UHRF2: variants seen among roughly 807,000 people sequenced by gnomAD.
UHRF2 encodes E3 ubiquitin-protein ligase UHRF2.
In UHRF2, 23 loss-of-function variants were observed where a neutral mutation model predicts 96.8. That is an observed-to-expected ratio of 0.24 (90% CI 0.17 to 0.34). The LOEUF is 0.34. Ranked by LOEUF, UHRF2 falls within the 10% of genes least tolerant of loss-of-function variation. The pLI is 1.00. For missense variants in UHRF2, 685 were observed against 981.5 expected (o/e 0.70, Z 4.04); for synonymous variants, 385 against 332.6 (o/e 1.16, Z -1.72).
At chr9:6,416,928 A>G (rs1180156176) in intron 1 of UHRF2, among the ~76,000 whole-genome samples, 1 of 152,172 alleles carries the variant, frequency 6.6e-6, no homozygotes, top group Admixed American at 6.5e-5. Flanking sequence ...ATAGATAACA[A>G]TGTGGGGCAT....
rs763827093 is a variant in UHRF2, at chr9:6,499,925, T to C, written c.1999T>C (p.Ser667Pro). 3.7e-6 allele frequency: 6 copies of C among 1,609,010 alleles called. No individual in the cohort carries two copies. Among genetic ancestry groups the C allele is most frequent in the Non-Finnish European group, 5.1e-6 (6 of 1,176,522 alleles). The part of the protein sequence containing the change: ...QPSGTTKRPI[S>P]DDDCPSASKV... ...CAGTGGAACCACAAAAAGGCCAATT[T>C]CAGATGGTAGGTAATGATTGCAAAA... is the stretch of plus-strand genomic sequence containing the variant. Residue 667 changes from serine to proline, a missense_variant, in exon 13 of 16, where the codon TCA becomes CCA. Physicochemically the swap from Ser to Pro is moderately conservative, Grantham distance 74. Coordinates refer to ENST00000276893, the MANE Select transcript of UHRF2 (RefSeq NM_152896.3).
intron 14 of UHRF2, among the ~76,000 whole-genome samples, chr9:6,501,415 C>T (rs537372066): frequency 6.6e-6 from 1 of 152,138 alleles, no homozygotes; most frequent in Non-Finnish European, 1.5e-5. Context: ...TGTTTTCTTT[C>T]TCTCCAAAGT....
chr9:6,423,219 A>G (rs1820038064), intron 2 of UHRF2, among the ~76,000 whole-genome samples: 1 of 152,250 alleles, frequency 6.6e-6, no homozygotes, highest in African/African-American at 2.4e-5. Flanking sequence ...TTCCAAAGAA[A>G]GTACCAGGCT....
intron 3 of UHRF2, among the ~76,000 whole-genome samples, chr9:6,447,450 A>G (rs1385986521): frequency 1.3e-5 from 2 of 152,234 alleles, no homozygotes; most frequent in East Asian, 1.9e-4. Flanking sequence ...CTTTGAGAGT[A>G]TAAAGGTAGA....
At chr9:6,428,533 C>CTT (rs1171172143) in intron 2 of UHRF2, among the ~76,000 whole-genome samples, 11 of 65,420 alleles carry the variant, frequency 1.7e-4, no homozygotes, top group Non-Finnish European at 2.6e-4. Context: ...ATTGCTTTTG[C>CTT]TTTTTTTTTT....
chr9:6,429,934 T>A (rs1235998042), intron 2 of UHRF2, among the ~76,000 whole-genome samples: 1 of 152,256 alleles, frequency 6.6e-6, no homozygotes, highest in Non-Finnish European at 1.5e-5. Context: ...ATTTTCTTTT[T>A]TTAATGATTG....
At chr9:6,415,099 C>T (rs1178013476) in intron 1 of UHRF2, 1 of 152,158 alleles carries the variant, frequency 6.6e-6, no homozygotes, top group Non-Finnish European at 1.5e-5. Flanking sequence ...TCCTAGGACA[C>T]TGGTGATTTC....
At chr9:6,460,280 G>A (rs917673781) in intron 3 of UHRF2, among the ~76,000 whole-genome samples, 2 of 152,158 alleles carry the variant, frequency 1.3e-5, no homozygotes, top group African/African-American at 4.8e-5. Context: ...GTTCTTGAAT[G>A]CGGGCTGAAC....
At chr9:6,491,943 G>C (rs1824684055) in intron 9 of UHRF2, among the ~76,000 whole-genome samples, 1 of 152,106 alleles carries the variant, frequency 6.6e-6, no homozygotes. Flanking sequence ...ATGTCACCCA[G>C]GCTGGTCTTG....
At chr9:6,478,534 C>T (rs531192325) in intron 6 of UHRF2, among the ~76,000 whole-genome samples, 4 of 152,126 alleles carry the variant, frequency 2.6e-5, no homozygotes, top group African/African-American at 7.2e-5. Context: ...TCTCCTATGG[C>T]GTGGTGATAA....
At chr9:6,421,325 T>C (rs1181168718) in intron 2 of UHRF2, among the ~76,000 whole-genome samples, 183 bp downstream of exon 2, 1 of 152,236 alleles carries the variant, frequency 6.6e-6, no homozygotes, top group African/African-American at 2.4e-5. Flanking sequence ...ATGTACAAGA[T>C]GTATATGTAC....
chr9:6,437,358 G>A (rs1313724306), intron 3 of UHRF2, among the ~76,000 whole-genome samples: 1 of 151,938 alleles, frequency 6.6e-6, no homozygotes, highest in African/African-American at 2.4e-5. Context: ...TCAGCCTCAT[G>A]AGTACCTGGG....
At chr9:6,447,432 A>C (rs1016484293) in intron 3 of UHRF2, among the ~76,000 whole-genome samples, 1 of 152,178 alleles carries the variant, frequency 6.6e-6, no homozygotes, top group African/African-American at 2.4e-5. Flanking sequence ...GGAAATATGC[A>C]TACCTAGCTT....
At chr9:6,458,732 A>G (rs1408176582) in intron 3 of UHRF2, among the ~76,000 whole-genome samples, 1 of 152,204 alleles carries the variant, frequency 6.6e-6, no homozygotes, top group African/African-American at 2.4e-5. Flanking sequence ...TACCCAAAGG[A>G]TTATAAATCA....
chr9:6,431,781 C>T (rs1187364735), intron 2 of UHRF2, among the ~76,000 whole-genome samples: 6 of 152,150 alleles, frequency 3.9e-5, no homozygotes, highest in African/African-American at 7.2e-5. Context: ...TAGTATCTTA[C>T]ATTTGATAGG....
chr9:6,468,717 C>T (rs895460714), intron 4 of UHRF2: 3 of 455,730 alleles, frequency 6.6e-6, no homozygotes, highest in African/African-American at 6.0e-5. Context: ...TAAAAAGTGG[C>T]ATTTTCAGCA....
In UHRF2 at chr9:6,413,919, A is replaced by T; in HGVS notation, c.153+276A>T. On this transcript the variant is annotated intron_variant, in intron 1 of 15. Transcript: ENST00000276893. ...TCTCGCCGTTTGTATTTGGTAGGAC[A>T]GCGGCCGTAGGCACTGGGTGCCCAG... The T allele has an allele frequency of 9.8e-6, 3 of 305,808 alleles. No homozygotes were observed. In the East Asian group the frequency reaches 1.7e-4, roughly 17 times the overall value. 18.9% of individuals were successfully genotyped at this position (305,808 alleles called of 1,614,324 possible).
At position 6,504,707 on chromosome 9, in the gene UHRF2, T is replaced by C; in HGVS notation, c.2262+16T>C. 6.3e-7 allele frequency: 1 copy of C among 1,595,542 alleles called. No individual in the cohort carries two copies. The highest frequency in any genetic ancestry group is 8.6e-7 in the Non-Finnish European group (1 of 1,165,046). On this transcript the variant is annotated intron_variant, in intron 15 of 15. Coordinates refer to ENST00000276893, the MANE Select transcript of UHRF2 (RefSeq NM_152896.3). ...TGTCTGTAAAGTAAGTAGAATTCCT[T>C]CCTCACTTTCCCTGTTAGGTATGAA...
rs186508441 is a variant in UHRF2, at chr9:6,506,892, C to G, written c.*713C>G. The G allele has an allele frequency of 1.3e-5, 2 of 152,702 alleles. No homozygotes were observed. The highest frequency in any genetic ancestry group is 2.4e-5 in the African/African-American group (1 of 41,568). 9.5% of individuals were successfully genotyped at this position (152,702 alleles called of 1,614,324 possible). A position where few individuals can be genotyped will look rare whatever the true frequency, so the allele number is the denominator to read the frequency against. ...CATGAAAATCCACTTCTCTACTAGT[C>G]GAACTGCTTTTAGTGTCTCACCAGT... On this transcript the variant is annotated 3_prime_UTR_variant, in exon 16 of 16. Coordinates refer to ENST00000276893, the MANE Select transcript of UHRF2 (RefSeq NM_152896.3).
Sources: gnomAD v4.1 joint callset for allele counts (sites outside exome capture counted in the v4.1 genomes callset) on GRCh38, gnomAD v4.1.1 for gene constraint, MANE v1.5 for transcripts, NCBI Gene and HGNC (gene_info 2026-07-23, HGNC 2026-07-21) for gene names.